Variants in LARP4B observed in about 807,000 individuals in gnomAD.
LARP4B encodes La ribonucleoprotein 4B.
LARP4B carries 12 observed loss-of-function variants against 89.8 expected under a neutral mutation model. That is an observed-to-expected ratio of 0.13 (90% CI 0.09 to 0.22). The LOEUF (loss-of-function observed/expected upper bound fraction) is 0.22, where lower values mean the gene tolerates loss of function less well. Among genes scored for constraint, LARP4B ranks in the 10% least tolerant of loss-of-function variants. The probability of loss-of-function intolerance (pLI) is 1.00; values close to 1 mark genes in which losing one functional copy is unlikely to be tolerated. For synonymous variants in LARP4B, 367 were observed against 363.3 expected, an observed-to-expected ratio of 1.01 and a Z score of -0.12; for missense variants, 757 against 947.7, an observed-to-expected ratio of 0.80 and a Z score of 2.64.
chr10:936,529 G>T (rs1304916858), upstream of LARP4B, among the ~76,000 whole-genome samples: 1 of 152,152 alleles, frequency 6.6e-6, no homozygotes, highest in South Asian at 2.1e-4. Flanking sequence ...AGACCAGCCT[G>T]GCCAACATGG....
the LARP4B span, among the ~76,000 whole-genome samples, chr10:951,981 T>G: frequency 4.0e-5 from 6 of 149,968 alleles, no homozygotes; most frequent in African/African-American, 7.4e-5. Context: ...CTGCATAACA[T>G]ACAACCTTTA....
the LARP4B span, among the ~76,000 whole-genome samples, chr10:945,689 G>A: frequency 2.5e-4 from 35 of 142,610 alleles, no homozygotes; most frequent in Non-Finnish European, 2.3e-4. Flanking sequence ...CTCCGTCTCA[G>A]AAAAAAAAAA....
At chr10:932,430 GC>G (rs1830672822), upstream of LARP4B, among the ~76,000 whole-genome samples, 1 of 44,958 alleles carries the variant, frequency 2.2e-5, no homozygotes, top group Non-Finnish European at 4.1e-5. Context: ...CCCCGGCCCT[GC>G]CCAGAACTCC....
At chr10:894,529 G>C (rs940821151) in intron 1 of LARP4B, among the ~76,000 whole-genome samples, 1 of 152,034 alleles carries the variant, frequency 6.6e-6, no homozygotes, top group Non-Finnish European at 1.5e-5. Context: ...AAATGACATA[G>C]AAAAACTTTT....
At chr10:970,517 A>G in the LARP4B span, among the ~76,000 whole-genome samples, 4 of 152,160 alleles carry the variant, frequency 2.6e-5, no homozygotes, top group Non-Finnish European at 5.9e-5. Flanking sequence ...GAGCTTGTAA[A>G]TATTTGCACA....
At chr10:945,504 G>A in the LARP4B span, among the ~76,000 whole-genome samples, 11 of 150,852 alleles carry the variant, frequency 7.3e-5, no homozygotes, top group Non-Finnish European at 1.6e-4. Context: ...GGCTAATATG[G>A]TGAAACCCCG....
the LARP4B span, among the ~76,000 whole-genome samples, chr10:966,056 T>TTGTGTG: frequency 0.18 from 22,826 of 128,156 alleles, 1,839 homozygotes; most frequent in Non-Finnish European, 0.21. Flanking sequence ...TGTGTGGGTT[T>TTGTGTG]TGTGTGTGTG....
intron 5 of LARP4B, among the ~76,000 whole-genome samples, chr10:855,558 C>T (rs1834258397): frequency 6.6e-6 from 1 of 152,006 alleles, no homozygotes; most frequent in South Asian, 2.1e-4. Flanking sequence ...ATTAAGTTTG[C>T]CACCTTAAAT....
At chr10:904,923 T>C (rs967205560) in intron 1 of LARP4B, among the ~76,000 whole-genome samples, 1 of 152,248 alleles carries the variant, frequency 6.6e-6, no homozygotes, top group South Asian at 2.1e-4. Flanking sequence ...GTGGCTGGGA[T>C]GGTGACATCT....
intron 1 of LARP4B, among the ~76,000 whole-genome samples, chr10:923,216 G>C (rs1003219559): frequency 1.3e-5 from 2 of 152,156 alleles, no homozygotes; most frequent in Non-Finnish European, 2.9e-5. Flanking sequence ...AAAAGCACAA[G>C]AGACAATGCT....
At chr10:965,934 A>G in the LARP4B span, among the ~76,000 whole-genome samples, 5 of 152,138 alleles carry the variant, frequency 3.3e-5, no homozygotes, top group African/African-American at 1.2e-4. Context: ...GAGAGGCCTC[A>G]TGGTGGACTC....
the LARP4B span, among the ~76,000 whole-genome samples, chr10:981,409 T>C: frequency 6.6e-6 from 1 of 152,220 alleles, no homozygotes; most frequent in Non-Finnish European, 1.5e-5. Flanking sequence ...ACCAATTTTC[T>C]GTGATCCAAA....
chr10:966,603 T>G, the LARP4B span, among the ~76,000 whole-genome samples: 1 of 152,210 alleles, frequency 6.6e-6, no homozygotes, highest in Non-Finnish European at 1.5e-5. Flanking sequence ...CATTTGCAGC[T>G]CAAACCCGAG....
chr10:819,939 G>A (rs1832257798), intron 14 of LARP4B: 1 of 152,250 alleles, frequency 6.6e-6, no homozygotes, highest in Non-Finnish European at 1.5e-5. Context: ...AGCCCATGGA[G>A]GCATCCCTCC....
the LARP4B span, among the ~76,000 whole-genome samples, chr10:938,397 C>T: frequency 1.1e-4 from 17 of 151,950 alleles, no homozygotes; most frequent in Non-Finnish European, 1.2e-4. Context: ...ACTACAGGTG[C>T]CCAACACCAC....
intron 7 of LARP4B, among the ~76,000 whole-genome samples, chr10:837,710 C>A (rs1229486542): frequency 6.6e-6 from 1 of 152,200 alleles, no homozygotes; most frequent in Non-Finnish European, 1.5e-5. Flanking sequence ...CAGATGCACA[C>A]AGGATCCATA....
chr10:843,383 T>G (rs11253462), intron 6 of LARP4B, among the ~76,000 whole-genome samples: 27,312 of 152,130 alleles, frequency 0.18, 2,649 homozygotes, highest in African/African-American at 0.22. Context: ...AGAAGTAGCT[T>G]AAGAGTTTAT....
chr10:928,365 C>T (rs1199663297), intron 1 of LARP4B, among the ~76,000 whole-genome samples: 1 of 152,096 alleles, frequency 6.6e-6, no homozygotes, highest in Non-Finnish European at 1.5e-5. Context: ...GATTAGAAGA[C>T]CTAGATTATA....
At chr10:837,996 T>C (rs1257422564) in intron 7 of LARP4B, among the ~76,000 whole-genome samples, 1 of 151,754 alleles carries the variant, frequency 6.6e-6, no homozygotes, top group Non-Finnish European at 1.5e-5. Flanking sequence ...GTGTAATACA[T>C]ATTTAAGTGT....
Sources: allele counts gnomAD v4.1 joint callset (sites outside exome capture counted in the v4.1 genomes callset), GRCh38; gene constraint gnomAD v4.1.1; transcripts MANE v1.5; gene names NCBI Gene and HGNC (gene_info 2026-07-23, HGNC 2026-07-21).